SOBP: variants seen among roughly 807,000 people sequenced by gnomAD.
The protein encoded by SOBP is sine oculis binding protein homolog, also known as sine oculis-binding protein homolog.
In SOBP, 4 loss-of-function variants were observed where a neutral mutation model predicts 53.6. The observed-to-expected ratio is 0.07, with a 90% CI of 0.04 to 0.17. SOBP has a LOEUF of 0.17. Among genes scored for constraint, SOBP ranks in the 10% least tolerant of loss-of-function variants. The pLI, the probability that SOBP is intolerant of heterozygous loss-of-function variation, is 1.00. For missense variants in SOBP, 1,088 were observed against 1,204.7 expected (o/e 0.90, Z 1.43); for synonymous variants, 584 against 522.6 (o/e 1.12, Z -1.60).
chr6:107,655,756 C>T (rs1215772073), intron 6 of SOBP, among the ~76,000 whole-genome samples: 1 of 152,158 alleles, frequency 6.6e-6, no homozygotes, highest in Non-Finnish European at 1.5e-5. Flanking sequence ...TCCCGTTTTA[C>T]CGAGTCTCTT....
chr6:107,639,064 A>C (rs1396769406), intron 6 of SOBP, among the ~76,000 whole-genome samples: 1 of 152,020 alleles, frequency 6.6e-6, no homozygotes, highest in Non-Finnish European at 1.5e-5. Context: ...CACCATGCCC[A>C]GCTATTTTTT....
chr6:107,624,229 C>T (rs1770356830), intron 5 of SOBP, among the ~76,000 whole-genome samples: 1 of 152,172 alleles, frequency 6.6e-6, no homozygotes, highest in Non-Finnish European at 1.5e-5. Context: ...AGGAAGAATT[C>T]CACTGGACTC....
At chr6:107,508,252 C>T (rs144829241) in intron 3 of SOBP, among the ~76,000 whole-genome samples, 1 of 152,216 alleles carries the variant, frequency 6.6e-6, no homozygotes, top group Non-Finnish European at 1.5e-5. Context: ...CTTCATGGTT[C>T]CCGCTACATT....
chr6:107,553,390 A>G (rs1259704730), intron 4 of SOBP, among the ~76,000 whole-genome samples: 1 of 150,836 alleles, frequency 6.6e-6, no homozygotes, highest in Non-Finnish European at 1.5e-5. Context: ...GTGCAGTGGC[A>G]CGATCTCGGC....
At chr6:107,653,383 T>A (rs577046101) in intron 6 of SOBP, among the ~76,000 whole-genome samples, 3 of 152,374 alleles carry the variant, frequency 2.0e-5, no homozygotes, top group African/African-American at 7.2e-5. Flanking sequence ...GGACTCGTTA[T>A]TGTCCCAGAT....
chr6:107,565,632 C>A (rs1480912780), intron 4 of SOBP, among the ~76,000 whole-genome samples: 1 of 152,004 alleles, frequency 6.6e-6, no homozygotes, highest in Non-Finnish European at 1.5e-5. Flanking sequence ...TGGGTAGAGC[C>A]CCCAGAGAGG....
chr6:107,498,154 C>A (rs1782746677), intron 1 of SOBP, among the ~76,000 whole-genome samples: 1 of 152,122 alleles, frequency 6.6e-6, no homozygotes, highest in African/African-American at 2.4e-5. Flanking sequence ...AAGGTTCCTA[C>A]CCTCAAGTAA....
intron 4 of SOBP, among the ~76,000 whole-genome samples, chr6:107,547,229 C>A (rs988380635): frequency 6.6e-6 from 1 of 152,182 alleles, no homozygotes; most frequent in African/African-American, 2.4e-5. Context: ...GGGAACAAAA[C>A]GTTTTAATCC....
chr6:107,544,638 T>C (rs1784244036), intron 4 of SOBP, among the ~76,000 whole-genome samples: 1 of 152,208 alleles, frequency 6.6e-6, no homozygotes, highest in Non-Finnish European at 1.5e-5. Context: ...GAAGAGCTTA[T>C]TGGGCTGAGG....
chr6:107,555,568 C>G (rs1021395646), intron 4 of SOBP, among the ~76,000 whole-genome samples: 10 of 152,230 alleles, frequency 6.6e-5, no homozygotes, highest in African/African-American at 2.4e-4. Flanking sequence ...AGAGGCCCAG[C>G]AGGGCACCTT....
At chr6:107,657,371 G>A (rs902060429) in intron 6 of SOBP, among the ~76,000 whole-genome samples, 1 of 152,172 alleles carries the variant, frequency 6.6e-6, no homozygotes, top group African/African-American at 2.4e-5. Context: ...GCTCTTGGTT[G>A]ATTTATTTTC....
chr6:107,577,305 T>C lies in SOBP; in HGVS notation c.574-9775T>C, dbSNP rs558960976. Among the ~76,000 whole-genome samples the C allele has an allele frequency of 7.2e-5, 11 of 152,380 alleles. 1 individual carries two copies. The highest frequency in any genetic ancestry group is 2.2e-4 in the African/African-American group (9 of 41,594). On this transcript the variant is annotated intron_variant, in intron 4 of 6. Transcript: ENST00000317357. ...ATCGACCTGCTCAGAGCTACATTAT[T>C]GTACTTCTGTCTCTATTATTCCTAG...
intron 4 of SOBP, 148 bp downstream of exon 4, chr6:107,533,758 T>C (rs1783913323): frequency 6.8e-6 from 7 of 1,024,858 alleles, no homozygotes; most frequent in Non-Finnish European, 9.9e-6. Context: ...TTTTGTGTCA[T>C]GCTTAACCTT....
At chr6:107,577,272 A>G (rs577977475) in intron 4 of SOBP, among the ~76,000 whole-genome samples, 2 of 152,346 alleles carry the variant, frequency 1.3e-5, no homozygotes, top group South Asian at 4.1e-4. Context: ...AACTTGAGCT[A>G]ATTAGCCATC....
chr6:107,596,622 AAGAAACTTTAC>A (rs1785956616), intron 5 of SOBP, among the ~76,000 whole-genome samples: 1 of 152,198 alleles, frequency 6.6e-6, no homozygotes, highest in Non-Finnish European at 1.5e-5. Context: ...AGTTTAAAAT[AAGAAACTTTAC>A]TTTTGCCTTG....
At chr6:107,642,336 G>T (rs185661937) in intron 6 of SOBP, among the ~76,000 whole-genome samples, 1 of 152,050 alleles carries the variant, frequency 6.6e-6, no homozygotes, top group Non-Finnish European at 1.5e-5. Context: ...TTATTTCAAG[G>T]GTCATCGAAA....
chr6:107,594,397 G>A (rs1785866099), intron 5 of SOBP, among the ~76,000 whole-genome samples: 1 of 151,786 alleles, frequency 6.6e-6, no homozygotes, highest in East Asian at 1.9e-4. Flanking sequence ...AGTTTTACAT[G>A]TGCACATTTG....
chr6:107,517,544 A>G (rs1783356884), intron 3 of SOBP, among the ~76,000 whole-genome samples: 1 of 152,218 alleles, frequency 6.6e-6, no homozygotes, highest in South Asian at 2.1e-4. Flanking sequence ...TCCAATTGCC[A>G]TAATATTGGG....
At chr6:107,636,798 A>G (rs1741087156) in intron 6 of SOBP, among the ~76,000 whole-genome samples, 1 of 152,192 alleles carries the variant, frequency 6.6e-6, no homozygotes, top group South Asian at 2.1e-4. Context: ...TCACATTTGT[A>G]TGCAGGCTGT....
Sources: allele counts gnomAD v4.1 joint callset (sites outside exome capture counted in the v4.1 genomes callset), GRCh38; gene constraint gnomAD v4.1.1; transcripts MANE v1.5; gene names NCBI Gene and HGNC (gene_info 2026-07-23, HGNC 2026-07-21).